Variants in HERC2 observed in about 807,000 individuals in gnomAD.
HERC2 encodes E3 ubiquitin-protein ligase HERC2.
In HERC2, 102 loss-of-function variants were observed where a neutral mutation model predicts 537.7. The observed-to-expected ratio is 0.19, with a 90% confidence interval of 0.16 to 0.22. The LOEUF is 0.22. HERC2 is among the 10% of genes least tolerant of loss of function. The pLI, the probability that HERC2 is intolerant of heterozygous loss-of-function variation, is 1.00. For missense variants in HERC2, 4,236 were observed against 6,198.2 expected, an observed-to-expected ratio of 0.68 and a Z score of 10.63; for synonymous variants, 2,224 against 2,466.2, an observed-to-expected ratio of 0.90 and a Z score of 2.91.
intron 68 of HERC2, among the ~76,000 whole-genome samples, chr15:28,165,474 T>C (rs28653336): frequency 0.13 from 20,026 of 152,036 alleles, 4,438 homozygotes; most frequent in African/African-American, 0.46. Flanking sequence ...TGGTTTTCCA[T>C]GTACGTAAAT....
intron 83 of HERC2, among the ~76,000 whole-genome samples, chr15:28,128,814 A>G (rs1453000175): frequency 1.3e-5 from 2 of 152,098 alleles, no homozygotes; most frequent in Non-Finnish European, 2.9e-5. Flanking sequence ...TCATTCAGAC[A>G]CAGCTCAGTT....
intron 78 of HERC2, among the ~76,000 whole-genome samples, chr15:28,138,385 C>A (rs142397100): frequency 1.3e-3 from 199 of 152,272 alleles, no homozygotes; most frequent in African/African-American, 4.6e-3. Flanking sequence ...TTGTTAGGGG[C>A]TAATGCAGCT....
At chr15:28,158,714 T>C (rs1893271137) in intron 69 of HERC2, among the ~76,000 whole-genome samples, 3 of 152,146 alleles carry the variant, frequency 2.0e-5, no homozygotes, top group Admixed American at 1.3e-4. Context: ...TGTCTTTTAA[T>C]TGGAGCATTT....
At chr15:28,250,020 G>C (rs374011266) in intron 20 of HERC2, among the ~76,000 whole-genome samples, 1 of 152,100 alleles carries the variant, frequency 6.6e-6, no homozygotes, top group South Asian at 2.1e-4. Flanking sequence ...ACGGAGGGGA[G>C]GAGAGCCCAA....
Position 28,311,117 on chromosome 15 carries a change from G to T in HERC2, c.72+10245C>A, listed in dbSNP as rs889173971. Among the ~76,000 whole-genome samples, 37 of 141,798 alleles carry T rather than the reference G, an allele frequency of 2.6e-4. No individual in the cohort carries two copies. The East Asian group carries it at 5.7e-3, about 22-fold the overall frequency. The allele number at this position is 141,798 out of a possible 152,430, so 93.0% of individuals were successfully genotyped here. On this transcript the variant is annotated intron_variant, in intron 2 of 92. Coordinates refer to ENST00000261609, the MANE Select transcript of HERC2 (RefSeq NM_004667.6). Reference sequence around the variant, plus strand: ...AAAAAAAAAAAAGGCTATTACCAAGGGTCCAAAAAAGAAAGGATGACAGTA... The same window carrying T: ...AAAAAAAAAAAAGGCTATTACCAAGTGTCCAAAAAAGAAAGGATGACAGTA...
chr15:28,141,020 C>T (rs1156246608), intron 78 of HERC2, among the ~76,000 whole-genome samples: 29 of 150,878 alleles, frequency 1.9e-4, no homozygotes. Flanking sequence ...GGTGGATCAC[C>T]TGAGGTCAGG....
intron 38 of HERC2, among the ~76,000 whole-genome samples, chr15:28,216,494 T>C (rs1343260992): frequency 1.3e-5 from 2 of 149,192 alleles, no homozygotes; most frequent in East Asian, 2.0e-4. Context: ...GCTTGGAGGC[T>C]GGGCCCCCTG....
chr15:28,271,835 CA>C (rs749713073), intron 9 of HERC2, among the ~76,000 whole-genome samples: 23 of 152,226 alleles, frequency 1.5e-4, no homozygotes, highest in Non-Finnish European at 2.6e-4. Flanking sequence ...GCTCCTCCCT[CA>C]GCTTGTTGTC....
rs754214242 is a variant in HERC2 at position 28,177,072 on chromosome 15, T to C, written c.9310A>G (p.Ile3104Val). Residue 3104 changes from isoleucine (I) to valine (V), a missense_variant, in exon 61 of 93, where the codon ATC becomes GTC. Around this residue, in one of 27 missense-constraint regions of HERC2, gnomAD observed 606 missense variants for 884.5 expected, o/e 0.69. Transcript: ENST00000261609. This position sits in a 1 kb window ranked among gnomAD's most constrained non-coding sequence, Gnocchi z 5.0. ...GCGCTGTGCGAGCTCCCACAGGCGATATCCCGGATACGCTTGGTTTTCAGG... is the reference window on the plus strand; with the variant it reads ...GCGCTGTGCGAGCTCCCACAGGCGACATCCCGGATACGCTTGGTTTTCAGG... ...EALKTKRIRDIACGSSHSAAL... is the reference protein window; with the variant it reads ...EALKTKRIRDVACGSSHSAAL... 2.0e-5 allele frequency: 32 copies of C among 1,613,932 alleles called. 1 individual carries two copies. In the South Asian group the frequency reaches 3.4e-4, roughly 17 times the overall value.
At chr15:28,132,508 G>C in intron 80 of HERC2, 145 bp downstream of exon 80, 1 of 826,010 alleles carries the variant, frequency 1.2e-6, no homozygotes, top group Non-Finnish European at 1.7e-6. Flanking sequence ...CATGAAGGCT[G>C]TTTATTCACT....
intron 69 of HERC2, among the ~76,000 whole-genome samples, chr15:28,161,264 A>G (rs530072114): frequency 7.3e-5 from 11 of 151,678 alleles, no homozygotes; most frequent in African/African-American, 2.7e-4. Flanking sequence ...TTTTTTTTTT[A>G]AATATAATTC....
intron 4 of HERC2, among the ~76,000 whole-genome samples, chr15:28,282,629 ACAG>A (rs2076048714): frequency 6.6e-6 from 1 of 152,224 alleles, no homozygotes; most frequent in African/African-American, 2.4e-5. Flanking sequence ...TGTGAATAAC[ACAG>A]AAGAAATACA....
chr15:28,168,751 C>T (rs1894406283), intron 66 of HERC2, among the ~76,000 whole-genome samples, 161 bp from the exon 67 acceptor site: 1 of 152,244 alleles, frequency 6.6e-6, no homozygotes, highest in Non-Finnish European at 1.5e-5. Flanking sequence ...ACCATGTATC[C>T]TTTGGCTAAT....
At position 28,113,424 on chromosome 15, in the gene HERC2, C is replaced by A; in HGVS notation, c.14020-141G>T. The A allele has an allele frequency of 9.2e-7, 1 of 1,092,154 alleles. No individual in the cohort carries two copies. The highest frequency in any genetic ancestry group is 1.4e-5 in the South Asian group (1 of 70,914). 67.7% of individuals were successfully genotyped at this position (1,092,154 alleles called of 1,614,324 possible). A position where few individuals can be genotyped will look rare whatever the true frequency, so the allele number is the denominator to read the frequency against. On this transcript the variant is annotated intron_variant, in intron 91 of 92. Transcript: ENST00000261609. The surrounding 1 kb of genome is among the most constrained non-coding windows in gnomAD (Gnocchi z 7.0). ...GGCTCTGGGTGGGCCCACACACAGCCTCCTGCAGGCGGGTGGAGGGACGCG... is the reference window on the plus strand; with the variant it reads ...GGCTCTGGGTGGGCCCACACACAGCATCCTGCAGGCGGGTGGAGGGACGCG...
intron 30 of HERC2, among the ~76,000 whole-genome samples, chr15:28,232,531 A>G (rs199577464): frequency 6.6e-6 from 1 of 151,452 alleles, no homozygotes; most frequent in East Asian, 2.0e-4. Flanking sequence ...CCTGGCGACA[A>G]AGCAAGATTC....
Position 28,114,810 on chromosome 15 carries a change from G to A in HERC2, c.13723-8C>T, listed in dbSNP as rs959804796. 1.7e-5 allele frequency: 28 copies of A among 1,612,794 alleles called. No homozygotes were observed. The highest frequency in any genetic ancestry group is 2.4e-5 in the Non-Finnish European group (28 of 1,179,136). Reference sequence around the variant, plus strand: ...AATAAAATCCTTATCAACCTTTTAAGGAGAAAAAGAAAGCCCATGTGTCGA... The same window carrying A: ...AATAAAATCCTTATCAACCTTTTAAAGAGAAAAAGAAAGCCCATGTGTCGA... On this transcript the variant is annotated splice_region_variant and splice_polypyrimidine_tract_variant and intron_variant, in intron 89 of 92. Transcript: ENST00000261609.
chr15:28,270,868 G>C lies in HERC2; in HGVS notation c.1084C>G (p.Leu362Val). Residue 362 changes from leucine (L) to valine (V), a missense_variant and splice_region_variant, in exon 10 of 93, where the codon CTT becomes GTT. Transcript: ENST00000261609. The stretch of plus-strand genomic sequence containing the variant: ...TTGGGGCTCAGAGGGCCAGACAAAA[G>C]CTAGAAAGGAAAAGTAAACAAAAAT... The part of the protein sequence containing the change: ...DAPHSEGDMH[L>V]LSGPLSPNES... 1.9e-6 allele frequency: 3 copies of C among 1,612,920 alleles called. No homozygotes were observed. Among genetic ancestry groups the C allele is most frequent in the African/African-American group, 2.7e-5 (2 of 74,990 alleles).
Position 28,246,005 on chromosome 15 carries a change from G to A in HERC2, c.3453C>T (p.Leu1151=). 1 of 1,613,932 alleles carries A rather than the reference G, an allele frequency of 6.2e-7. No homozygotes were observed. Among genetic ancestry groups the A allele is most frequent in the Non-Finnish European group, 8.5e-7 (1 of 1,179,830 alleles). The change falls in exon 23 of 93, where the codon CTC becomes CTT. Residue 1151 remains leucine, a synonymous_variant. Transcript: ENST00000261609. ...IVLLLSKNAG[L]MQEAGAVPLL... ...GAGGTACAGCTCCAGCCTCTTGCAT[G>A]AGACCAGCATTTTTACTGAGCAGAA...
Position 28,256,161 on chromosome 15 carries a change from T to C in HERC2, c.2674A>G (p.Ser892Gly). The C allele has an allele frequency of 6.2e-7, 1 of 1,602,108 alleles. No individual in the cohort carries two copies. Among genetic ancestry groups the C allele is most frequent in the Non-Finnish European group, 8.5e-7 (1 of 1,179,762 alleles). Residue 892 changes from serine to glycine, a missense_variant, in exon 18 of 93, where the codon AGT (serine) becomes GGT (glycine). Coordinates refer to ENST00000261609, the MANE Select transcript of HERC2 (RefSeq NM_004667.6). ...GTGGGCAGCAGCACGGACCAGCCAC[T>C]CTGCAGCACGGCCTGGGCGGCCGAC... Reference protein sequence around the residue: ...VQSAAQAVLQSGWSVLLPTAE... With the variant: ...VQSAAQAVLQGGWSVLLPTAE...
Sources: gnomAD v4.1 joint callset for allele counts (sites outside exome capture counted in the v4.1 genomes callset) on GRCh38, gnomAD v4.1.1 for gene constraint, gnomAD v4.1.1 regional missense constraint, Gnocchi (gnomAD v3.1) non-coding constraint, MANE v1.5 for transcripts, NCBI Gene and HGNC (gene_info 2026-07-23, HGNC 2026-07-21) for gene names.